Variants in TNK2 observed in about 807,000 individuals in gnomAD.
The protein encoded by TNK2 is activated CDC42 kinase 1.
A neutral mutation model predicts 101.8 loss-of-function variants in TNK2; 83 were observed. That is an observed-to-expected ratio of 0.82 (90% CI 0.68 to 0.98). The LOEUF (loss-of-function observed/expected upper bound fraction) is 0.98. TNK2 is among the 50% of genes least tolerant of loss of function. TNK2 has a pLI of 0.00. For missense variants in TNK2, 1,665 were observed against 1,483.2 expected, an observed-to-expected ratio of 1.12 and a Z score of -2.01; for synonymous variants, 804 against 633.0, an observed-to-expected ratio of 1.27 and a Z score of -4.06.
Position 195,888,615 on chromosome 3 carries a change from G to T in TNK2, c.-18-9C>A. The T allele has an allele frequency of 6.2e-7, 1 of 1,603,394 alleles. No homozygotes were observed. Among genetic ancestry groups the T allele is most frequent in the Non-Finnish European group, 8.5e-7 (1 of 1,175,320 alleles). ...CTGCCGCCTCCCAGCCTCTGTGGGG[G>T]GAGGAGTGGCTCAGGGACAAGGGTT... On this transcript the variant is annotated splice_polypyrimidine_tract_variant and intron_variant, in intron 1 of 15. Transcript: ENST00000672887. This position sits in a 1 kb window ranked among gnomAD's most constrained non-coding sequence, Gnocchi z 5.3.
rs369790528 is a variant in TNK2, at chr3:195,872,450, C to T, written c.1277G>A (p.Arg426His). 30 of 1,602,886 alleles carry T rather than the reference C, an allele frequency of 1.9e-5. No individual in the cohort carries two copies. The highest frequency in any genetic ancestry group is 2.4e-5 in the Non-Finnish European group (28 of 1,173,838). The change falls in exon 10 of 16, where the codon CGT becomes CAT. Residue 426 changes from arginine to histidine, a missense_variant. By Grantham distance (29) the Arg-to-His change is conservative (BLOSUM62 0). Coordinates refer to ENST00000672887, the MANE Select transcript of TNK2 (RefSeq NM_001382273.1). ...ACACAGCGTCCGTGTGTTCTGGCCA[C>T]GCCACCAGTAGTTCTCGGCCCTGCG... ...IEGRAENYWW[R>H]GQNTRTLCVG...
chr3:195,869,070 T>C, intron 12 of TNK2: 1 of 461,670 alleles, frequency 2.2e-6, no homozygotes, highest in Non-Finnish European at 3.9e-6. Flanking sequence ...CCCGCCCCTG[T>C]CACGGCACAC....
intron 9 of TNK2, among the ~76,000 whole-genome samples, chr3:195,874,062 G>T (rs1219765885): frequency 6.6e-6 from 1 of 152,180 alleles, no homozygotes; most frequent in Non-Finnish European, 1.5e-5. Flanking sequence ...AGCCTCCCAC[G>T]GCGGCCCGTA....
intron 10 of TNK2, 43 bp from the exon 11 acceptor site, chr3:195,870,248 TG>T (rs1447975927): frequency 1.9e-5 from 31 of 1,598,204 alleles, no homozygotes; most frequent in Middle Eastern, 1.7e-4. Flanking sequence ...GGGAAGCGTG[TG>T]GAGGGGTGGC....
At chr3:195,897,731 G>A (rs1055893978) in intron 1 of TNK2, among the ~76,000 whole-genome samples, 7 of 151,792 alleles carry the variant, frequency 4.6e-5, no homozygotes, top group Admixed American at 6.6e-5. Flanking sequence ...CAAACTCCTG[G>A]GCTCAAGCAT....
chr3:195,866,865 G>C (rs987894083), intron 15 of TNK2, 24 bp downstream of exon 15: 2 of 1,606,392 alleles, frequency 1.2e-6, no homozygotes, highest in Admixed American at 3.4e-5. Context: ...GCACGGAGCG[G>C]GGCAGACTGT....
chr3:195,881,924 C>CGTA, intron 6 of TNK2, 127 bp downstream of exon 6: 2 of 1,182,116 alleles, frequency 1.7e-6, no homozygotes, highest in Non-Finnish European at 1.2e-6. Context: ...AGGAGGGCAC[C>CGTA]CCAGGCTTAG....
rs1738690585 is a variant in TNK2 at position 195,863,445 on chromosome 3, G to T, written c.*736C>A. On this transcript the variant is annotated 3_prime_UTR_variant, in exon 16 of 16. Transcript: ENST00000672887. ...GAGCAGCAACTTCGCCAACAGGCTGGTGGGAAAACATGGAACCGCGTGGGG... is the reference window on the plus strand; with the variant it reads ...GAGCAGCAACTTCGCCAACAGGCTGTTGGGAAAACATGGAACCGCGTGGGG... 6.5e-6 allele frequency: 1 copy of T among 152,880 alleles called. No individual in the cohort carries two copies. The highest frequency in any genetic ancestry group is 1.5e-5 in the Non-Finnish European group (1 of 68,138). 9.5% of individuals were successfully genotyped at this position (152,880 alleles called of 1,614,324 possible). A position where few individuals can be genotyped will look rare whatever the true frequency, so the allele number is the denominator to read the frequency against.
chr3:195,884,567 C>T (rs1754726701), intron 4 of TNK2: 4 of 453,054 alleles, frequency 8.8e-6, no homozygotes, highest in South Asian at 8.6e-5. Flanking sequence ...TGCTTGAACC[C>T]GGAAAGTGGA....
Position 195,878,854 on chromosome 3 carries a change from T to C in TNK2, c.1014+195A>G, listed in dbSNP as rs910818654. The stretch of plus-strand genomic sequence containing the variant: ...TTCCCTCCCCGTCTCTTTGCTGGGC[T>C]CTCCCTGAGGCCATACAGATACGGG... On this transcript the variant is annotated intron_variant, in intron 7 of 15. Transcript: ENST00000672887. The surrounding 1 kb of genome is among the most constrained non-coding windows in gnomAD (Gnocchi z 4.7). Among the ~76,000 whole-genome samples, 6 of 151,978 alleles carry C rather than the reference T, an allele frequency of 3.9e-5. No individual in the cohort carries two copies. The highest frequency in any genetic ancestry group is 8.8e-5 in the Non-Finnish European group (6 of 67,986).
intron 1 of TNK2, among the ~76,000 whole-genome samples, chr3:195,900,484 T>C (rs1020979120): frequency 5.3e-5 from 8 of 152,180 alleles, no homozygotes; most frequent in Non-Finnish European, 1.0e-4. Flanking sequence ...CATCCATCTG[T>C]ATCAAGTCTT....
At chr3:195,869,634 G>A in intron 11 of TNK2, 93 bp from the exon 12 acceptor site, 2 of 1,264,094 alleles carry the variant, frequency 1.6e-6, no homozygotes, top group Admixed American at 4.0e-5. Flanking sequence ...AGAGTGTAGA[G>A]AGACGAAGGG....
In TNK2 at chr3:195,888,642, T is replaced by C; in HGVS notation, c.-18-36A>G. 6.3e-7 allele frequency: 1 copy of C among 1,576,310 alleles called. No individual in the cohort carries two copies. ...AGGAGTGGCTCAGGGACAAGGGTTG[T>C]GGGGGGACAACAGGGGCCTGCCCGA... On this transcript the variant is annotated intron_variant, in intron 1 of 15. Coordinates refer to ENST00000672887, the MANE Select transcript of TNK2 (RefSeq NM_001382273.1). This position sits in a 1 kb window ranked among gnomAD's most constrained non-coding sequence, Gnocchi z 5.3.
chr3:195,895,574 CCA>C, intron 1 of TNK2: 1 of 1,320,368 alleles, frequency 7.6e-7, no homozygotes, highest in Non-Finnish European at 9.6e-7. Context: ...GGCGCGGCTC[CCA>C]CCCTCTCCCA....
At chr3:195,895,330 G>GGA in intron 1 of TNK2, 1 of 1,571,962 alleles carries the variant, frequency 6.4e-7, no homozygotes, top group Non-Finnish European at 8.6e-7. Flanking sequence ...CTGCGGTCAG[G>GGA]GAGAGAAGCA....
chr3:195,869,545 CAAGA>C lies in TNK2; in HGVS notation c.1544-8_1544-5del. The C allele has an allele frequency of 6.4e-7, 1 of 1,551,160 alleles. No individual in the cohort carries two copies. Among genetic ancestry groups the C allele is most frequent in the Non-Finnish European group, 8.7e-7 (1 of 1,146,928 alleles). On this transcript the variant is annotated splice_polypyrimidine_tract_variant and splice_region_variant and intron_variant, in intron 11 of 15. Transcript: ENST00000672887. Reference sequence around the variant, plus strand: ...GGTGGGCGAGGTGGAGGCTCCCCTGCAAGAAAGGCCATGCGGACAGGGGGAGAGA... The same window carrying C: ...GGTGGGCGAGGTGGAGGCTCCCCTGCAAGGCCATGCGGACAGGGGGAGAGA...
chr3:195,869,636 G>GAA (rs2149265996), intron 11 of TNK2, 95 bp from the exon 12 acceptor site: 1 of 1,268,408 alleles, frequency 7.9e-7, no homozygotes, highest in Non-Finnish European at 1.1e-6. Flanking sequence ...AGTGTAGAGA[G>GAA]ACGAAGGGAG....
intron 1 of TNK2, chr3:195,896,079 A>G: frequency 2.2e-6 from 1 of 455,506 alleles, no homozygotes; most frequent in Non-Finnish European, 4.4e-6. Context: ...CGGTGACACG[A>G]GGGCCCGGAC....
chr3:195,889,052 C>T (rs1757318133), intron 1 of TNK2, among the ~76,000 whole-genome samples: 1 of 152,220 alleles, frequency 6.6e-6, no homozygotes, highest in African/African-American at 2.4e-5. Context: ...TCTATGGGCT[C>T]CTTAGATGTG....
Sources: allele counts gnomAD v4.1 joint callset (sites outside exome capture counted in the v4.1 genomes callset), GRCh38; gene constraint gnomAD v4.1.1; non-coding constraint Gnocchi (gnomAD v3.1); transcripts MANE v1.5; gene names NCBI Gene and HGNC (gene_info 2026-07-23, HGNC 2026-07-21).